The following ERBIN variants were observed in gnomAD, a reference collection of about 807,000 sequenced individuals.
The protein encoded by ERBIN is densin-180-like protein.
In ERBIN, 60 loss-of-function variants were observed where a neutral mutation model predicts 158.4. That is an observed-to-expected ratio of 0.38 (90% CI 0.31 to 0.47). ERBIN has a LOEUF of 0.47. Ranked by LOEUF, ERBIN falls within the 20% of genes least tolerant of loss-of-function variation. The pLI is 0.99. For missense variants in ERBIN, 1,610 were observed against 1,648.0 expected (o/e 0.98, Z 0.40); for synonymous variants, 594 against 557.2 (o/e 1.07, Z -0.93).
intron 25 of ERBIN, 54 bp from the exon 26 acceptor site, chr5:66,078,369 A>G (rs960433673): frequency 1.8e-6 from 2 of 1,133,766 alleles, no homozygotes; most frequent in East Asian, 2.5e-5. Flanking sequence ...CTTGGCAGAA[A>G]TGCAAATAAA....
At chr5:65,937,511 C>T (rs1561265424) in intron 1 of ERBIN, among the ~76,000 whole-genome samples, 1 of 151,932 alleles carries the variant, frequency 6.6e-6, no homozygotes, top group Non-Finnish European at 1.5e-5. Context: ...CTATTTTGAC[C>T]TCTCTCCCCT....
At chr5:66,070,453 T>C (rs1257898446) in intron 21 of ERBIN, among the ~76,000 whole-genome samples, 1 of 152,176 alleles carries the variant, frequency 6.6e-6, no homozygotes, top group African/African-American at 2.4e-5. Context: ...AGGGGTAATC[T>C]TTGCCATTTA....
At chr5:65,936,736 A>T (rs550912745) in intron 1 of ERBIN, among the ~76,000 whole-genome samples, 81 of 152,338 alleles carry the variant, frequency 5.3e-4, no homozygotes, top group African/African-American at 1.7e-3. Context: ...TTTTTTCCCC[A>T]ATTATAAAAA....
intron 1 of ERBIN, among the ~76,000 whole-genome samples, chr5:65,977,544 A>G (rs1750108503): frequency 6.8e-6 from 1 of 146,846 alleles, no homozygotes; most frequent in South Asian, 2.2e-4. Context: ...GGTGCTCCCC[A>G]CATCTCAGAC....
intron 7 of ERBIN, 137 bp from the exon 8 acceptor site, chr5:66,021,185 A>G (rs1416817207): frequency 8.5e-6 from 4 of 470,442 alleles, no homozygotes; most frequent in Non-Finnish European, 1.5e-5. Context: ...TTTTTAGAAA[A>G]TTAATATTTT....
At chr5:65,977,565 C>T (rs1383758315) in intron 1 of ERBIN, among the ~76,000 whole-genome samples, 15 of 151,348 alleles carry the variant, frequency 9.9e-5, no homozygotes, top group Admixed American at 2.6e-4. Context: ...GATGGGCGGC[C>T]GGGCAGAGAC....
chr5:66,049,885 A>G (rs960360057), intron 19 of ERBIN, among the ~76,000 whole-genome samples: 1 of 152,148 alleles, frequency 6.6e-6, no homozygotes, highest in African/African-American at 2.4e-5. Flanking sequence ...TGTAATTGCT[A>G]CACACACAAC....
intron 14 of ERBIN, among the ~76,000 whole-genome samples, chr5:66,035,040 G>T (rs1580419976): frequency 6.6e-6 from 1 of 152,216 alleles, no homozygotes; most frequent in Non-Finnish European, 1.5e-5. Flanking sequence ...TGATGTCTGT[G>T]TTACCATACT....
intron 1 of ERBIN, among the ~76,000 whole-genome samples, chr5:65,968,902 A>G (rs572637001): frequency 6.6e-5 from 10 of 152,318 alleles, no homozygotes; most frequent in Admixed American, 5.2e-4. Flanking sequence ...ATGTAGCTCA[A>G]TTCATAAATA....
chr5:66,074,045 A>ATCAGCTAAT (rs765074744), intron 22 of ERBIN, among the ~76,000 whole-genome samples: 7 of 91,926 alleles, frequency 7.6e-5, no homozygotes, highest in African/African-American at 3.0e-4. Flanking sequence ...TGCCCAGCTA[A>ATCAGCTAAT]TTTTTTTTTT....
At chr5:65,951,969 C>T (rs1746551700) in intron 1 of ERBIN, among the ~76,000 whole-genome samples, 1 of 152,088 alleles carries the variant, frequency 6.6e-6, no homozygotes, top group Non-Finnish European at 1.5e-5. Context: ...AACATGTCAT[C>T]GTGGATTTAC....
intron 1 of ERBIN, among the ~76,000 whole-genome samples, chr5:65,936,601 T>G (rs1434544861): frequency 6.6e-6 from 1 of 152,200 alleles, no homozygotes. Flanking sequence ...CCTTAGTAAT[T>G]GAAATTTCTG....
chr5:66,067,480 G>A (rs16894843), intron 21 of ERBIN, among the ~76,000 whole-genome samples: 6,132 of 152,220 alleles, frequency 0.04, 419 homozygotes, highest in African/African-American at 0.14. Context: ...ATGGAAGAAC[G>A]GCAGTTCATA....
rs755970154 is a variant in ERBIN at position 66,026,024 on chromosome 5, C to T, written c.1020+47C>T. On this transcript the variant is annotated intron_variant, in intron 12 of 25. Coordinates refer to ENST00000284037, the MANE Select transcript of ERBIN (RefSeq NM_001253697.2). The stretch of plus-strand genomic sequence containing the variant: ...TAGATTTTTGTCTTTTCATTTTTTT[C>T]TGATTATCTTCATTATAGCTATTTA... The T allele has an allele frequency of 3.4e-6, 5 of 1,478,442 alleles. No individual in the cohort carries two copies. In the African/African-American group the frequency reaches 5.8e-5, roughly 17 times the overall value. The allele number at this position is 1,478,442 out of a possible 1,614,324, so 91.6% of individuals were successfully genotyped here.
intron 1 of ERBIN, among the ~76,000 whole-genome samples, chr5:65,927,564 G>C (rs1298933845): frequency 6.6e-6 from 1 of 152,204 alleles, no homozygotes. Context: ...TTAACAACCT[G>C]TAAGACGTTT....
chr5:66,039,295 C>T (rs771905121), intron 15 of ERBIN, among the ~76,000 whole-genome samples: 21 of 151,840 alleles, frequency 1.4e-4, no homozygotes, highest in Non-Finnish European at 2.7e-4. Flanking sequence ...AGCACAGCCA[C>T]ATTCATTCAC....
chr5:65,940,726 C>G (rs1172510965), intron 1 of ERBIN, among the ~76,000 whole-genome samples: 3,101 of 94,156 alleles, frequency 0.033, 71 homozygotes, highest in African/African-American at 0.11. Flanking sequence ...CCAGCCGCCC[C>G]GTCCGGGAGG....
intron 1 of ERBIN, among the ~76,000 whole-genome samples, chr5:65,967,425 C>T (rs547681607): frequency 1.5e-4 from 23 of 152,072 alleles, no homozygotes; most frequent in African/African-American, 5.3e-4. Context: ...CATATTTTTG[C>T]TGCACTGTTT....
At chr5:65,959,428 T>G (rs1023102900) in intron 1 of ERBIN, among the ~76,000 whole-genome samples, 5 of 152,212 alleles carry the variant, frequency 3.3e-5, no homozygotes, top group Admixed American at 6.5e-5. Context: ...TCCTTTGTCA[T>G]ATGTTTTATG....
Sources: allele counts gnomAD v4.1 joint callset (sites outside exome capture counted in the v4.1 genomes callset), GRCh38; gene constraint gnomAD v4.1.1; transcripts MANE v1.5; gene names NCBI Gene and HGNC (gene_info 2026-07-23, HGNC 2026-07-21).